Variants in MYO1H observed in about 807,000 individuals in gnomAD.
The protein encoded by MYO1H is myosin IH, also known as unconventional myosin-Ih.
A neutral mutation model predicts 149.3 loss-of-function variants in MYO1H; 118 were observed. The ratio of observed to expected loss-of-function variants is 0.79; its 90% CI spans 0.68 to 0.92. The LOEUF (loss-of-function observed/expected upper bound fraction) is 0.92. Ranked by LOEUF, MYO1H falls within the 40% of genes least tolerant of loss-of-function variation. The pLI is 0.00. For missense variants in MYO1H, 1,212 were observed against 1,280.7 expected, an observed-to-expected ratio of 0.95 and a Z score of 0.82; for synonymous variants, 447 against 465.2, an observed-to-expected ratio of 0.96 and a Z score of 0.50.
chr12:109,375,829 A>G (rs909484625), intron 1 of MYO1H, among the ~76,000 whole-genome samples: 1 of 152,106 alleles, frequency 6.6e-6, no homozygotes, highest in African/African-American at 2.4e-5. Context: ...AAATACAAAA[A>G]TTAGCAGGGT....
rs183156059 is a variant in MYO1H at position 109,388,338 on chromosome 12, C to T, written c.13-345C>T. On this transcript the variant is annotated intron_variant, in intron 1 of 31. Transcript: ENST00000310903. ...GCTGCGTCTTTTGGCAGATTTTGGG[C>T]GTGGCTTATGACATTCCTATGCCTC... 4.5e-3 allele frequency among the ~76,000 whole-genome samples: 684 copies of T among 152,196 alleles called. 4 individuals carry two copies. The highest frequency in any genetic ancestry group is 7.5e-3 in the Non-Finnish European group (512 of 68,016).
intron 16 of MYO1H, among the ~76,000 whole-genome samples, chr12:109,421,764 G>A (rs973000543): frequency 2.0e-5 from 3 of 152,126 alleles, no homozygotes; most frequent in African/African-American, 7.2e-5. Context: ...CAGGGCTGCC[G>A]ACGGAATTCC....
intron 8 of MYO1H, 69 bp from the exon 9 acceptor site, chr12:109,406,720 C>A: frequency 6.8e-7 from 1 of 1,475,258 alleles, no homozygotes; most frequent in Non-Finnish European, 9.5e-7. Context: ...TACCTTGTCT[C>A]TAAAAAAATA....
At chr12:109,318,967 G>GTTTTTTTTTTTTT in the MYO1H span, among the ~76,000 whole-genome samples, 36 of 79,610 alleles carry the variant, frequency 4.5e-4, 2 homozygotes, top group African/African-American at 1.0e-3. Flanking sequence ...TGCGTTTTTG[G>GTTTTTTTTTTTTT]TTTTGTTTTT....
the MYO1H span, among the ~76,000 whole-genome samples, chr12:109,337,391 G>A: frequency 6.6e-6 from 1 of 152,164 alleles, no homozygotes; most frequent in Non-Finnish European, 1.5e-5. Flanking sequence ...GTGTTAGTCT[G>A]TTCTCATGCT....
intron 7 of MYO1H, among the ~76,000 whole-genome samples, 179 bp downstream of exon 7, chr12:109,404,259 C>T (rs1870283267): frequency 6.6e-6 from 1 of 152,096 alleles, no homozygotes; most frequent in Non-Finnish European, 1.5e-5. Context: ...GGGCGGATCA[C>T]TTGAGGTCAG....
chr12:109,390,669 T>TG (rs1869608048), intron 2 of MYO1H, among the ~76,000 whole-genome samples: 3 of 151,738 alleles, frequency 2.0e-5, no homozygotes, highest in African/African-American at 4.8e-5. Context: ...TTTGTTTGTT[T>TG]TTTTTTTCTT....
chr12:109,444,803 G>A (rs1872409262), intron 30 of MYO1H, among the ~76,000 whole-genome samples: 1 of 151,918 alleles, frequency 6.6e-6, no homozygotes, highest in African/African-American at 2.4e-5. Context: ...AGGAAGCGGA[G>A]GTTGCAATGA....
intron 27 of MYO1H, 119 bp from the exon 28 acceptor site, chr12:109,443,385 CACACACACAT>C (rs1419345708): frequency 5.0e-5 from 42 of 841,660 alleles, no homozygotes; most frequent in South Asian, 3.6e-4. Flanking sequence ...CACACACACA[CACACACACAT>C]ACACGCAAAA....
chr12:109,351,975 C>T (rs143350618), intron 1 of MYO1H, among the ~76,000 whole-genome samples: 2 of 152,250 alleles, frequency 1.3e-5, no homozygotes, highest in East Asian at 1.9e-4. Context: ...TTCCCTTCCA[C>T]GCTATTTTCT....
intron 20 of MYO1H, among the ~76,000 whole-genome samples, chr12:109,434,170 G>A (rs1173775268): frequency 1.3e-5 from 2 of 151,976 alleles, no homozygotes; most frequent in African/African-American, 2.4e-5. Context: ...CTACCACAAT[G>A]GGCTAATTTT....
At chr12:109,419,003 T>C (rs1480248474) in intron 15 of MYO1H, among the ~76,000 whole-genome samples, 6 of 152,310 alleles carry the variant, frequency 3.9e-5, no homozygotes, top group African/African-American at 1.2e-4. Flanking sequence ...TTTATTTTTG[T>C]TTAAAGAATA....
At chr12:109,445,649 T>C (rs1179643104) in intron 31 of MYO1H, 37 bp downstream of exon 31, 3 of 1,594,488 alleles carry the variant, frequency 1.9e-6, no homozygotes, top group Admixed American at 1.8e-5. Flanking sequence ...TAAGCCGTTT[T>C]AGATGAGAAT....
At chr12:109,331,455 TAGGA>T in the MYO1H span, among the ~76,000 whole-genome samples, 7 of 144,138 alleles carry the variant, frequency 4.9e-5, no homozygotes, top group Admixed American at 5.0e-4. Flanking sequence ...CTTGAGAGAG[TAGGA>T]ACAGACTGGG....
chr12:109,348,625 T>A (rs1188326818), intron 1 of MYO1H, among the ~76,000 whole-genome samples: 3 of 152,190 alleles, frequency 2.0e-5, no homozygotes, highest in African/African-American at 7.2e-5. Flanking sequence ...TAGACAATGG[T>A]AAAGCTCTCC....
At chr12:109,396,820 T>G (rs1168967031) in intron 4 of MYO1H, among the ~76,000 whole-genome samples, 2 of 119,874 alleles carry the variant, frequency 1.7e-5, no homozygotes, top group East Asian at 2.4e-4. Flanking sequence ...TTTCGTTTTT[T>G]TTTTTTTTTT....
intron 7 of MYO1H, among the ~76,000 whole-genome samples, chr12:109,405,397 G>A (rs573967701): frequency 3.9e-5 from 6 of 152,208 alleles, no homozygotes; most frequent in Non-Finnish European, 7.4e-5. Context: ...TGCAACCTCC[G>A]CCTCCCGGGT....
In MYO1H at chr12:109,441,607, AT is replaced by A; in HGVS notation, c.2539-6del. The A allele has an allele frequency of 6.3e-7, 1 of 1,598,326 alleles. No individual in the cohort carries two copies. Among genetic ancestry groups the A allele is most frequent in the Non-Finnish European group, 8.6e-7 (1 of 1,168,394 alleles). On this transcript the variant is annotated splice_region_variant and splice_polypyrimidine_tract_variant and intron_variant, in intron 25 of 31. Coordinates refer to ENST00000310903, the Ensembl canonical transcript of MYO1H. ...ACCATTTTTATACTTTCAATTGTGT[AT>A]TACCAGATGCAGCAAAAGGTAGTTA...
At chr12:109,424,677 T>A in intron 16 of MYO1H, 71 bp from the exon 17 acceptor site, 1 of 1,215,298 alleles carries the variant, frequency 8.2e-7, no homozygotes, top group Admixed American at 1.9e-5. Flanking sequence ...GCACACTCTG[T>A]GAGCCGTCCT....
Sources: allele counts gnomAD v4.1 joint callset (sites outside exome capture counted in the v4.1 genomes callset), GRCh38; gene constraint gnomAD v4.1.1; transcripts MANE v1.5; gene names NCBI Gene and HGNC (gene_info 2026-07-23, HGNC 2026-07-21).